PKHD1: variants seen among roughly 807,000 people sequenced by gnomAD.
The protein encoded by PKHD1 is PKHD1 ciliary IPT domain containing fibrocystin/polyductin.
PKHD1 carries 291 observed loss-of-function variants against 412.0 expected under a neutral mutation model. The ratio of observed to expected loss-of-function variants is 0.71; its 90% CI spans 0.64 to 0.78. PKHD1 has a LOEUF of 0.78. Ranked by LOEUF, PKHD1 falls within the 30% of genes least tolerant of loss-of-function variation. PKHD1 has a pLI of 0.00. For missense variants in PKHD1, 4,825 were observed against 4,950.7 expected, an observed-to-expected ratio of 0.97 and a Z score of 0.76; for synonymous variants, 1,777 against 1,821.5, an observed-to-expected ratio of 0.98 and a Z score of 0.62.
chr6:51,926,837 T>G (rs967537741), intron 37 of PKHD1, among the ~76,000 whole-genome samples: 4 of 152,142 alleles, frequency 2.6e-5, no homozygotes, highest in African/African-American at 9.7e-5. Context: ...AAAAACCTTA[T>G]TTTTTGTTGG....
At chr6:51,806,164 G>A (rs1237817352) in intron 52 of PKHD1, among the ~76,000 whole-genome samples, 2 of 151,920 alleles carry the variant, frequency 1.3e-5, no homozygotes, top group Non-Finnish European at 2.9e-5. Flanking sequence ...CATGGCACAT[G>A]TATACATATG....
intron 35 of PKHD1, among the ~76,000 whole-genome samples, chr6:51,966,051 T>A (rs182699045): frequency 2.6e-4 from 40 of 152,254 alleles, no homozygotes; most frequent in Non-Finnish European, 4.9e-4. Flanking sequence ...ATGCTATACA[T>A]TTTACTTACA....
Position 51,638,813 on chromosome 6 carries a change from A to C in PKHD1, c.11506+36T>G, listed in dbSNP as rs1768938086. On this transcript the variant is annotated intron_variant, in intron 64 of 66. Coordinates refer to ENST00000371117, the MANE Select transcript of PKHD1 (RefSeq NM_138694.4). ...GATTATCTTCTCAAAAAAAAAAAAA[A>C]AAAACACAGAATAAAAGCACACTGT... The C allele has an allele frequency of 8.3e-6, 11 of 1,318,926 alleles. No individual in the cohort carries two copies. In the South Asian group the frequency reaches 1.0e-4, roughly 12 times the overall value. The allele number at this position is 1,318,926 out of a possible 1,614,324, so 81.7% of individuals were successfully genotyped here.
At chr6:52,032,698 G>C (rs1011607651) in intron 29 of PKHD1, among the ~76,000 whole-genome samples, 7 of 152,068 alleles carry the variant, frequency 4.6e-5, no homozygotes, top group African/African-American at 1.7e-4. Context: ...TAAATTAGGG[G>C]CAAGGATTAA....
intron 35 of PKHD1, among the ~76,000 whole-genome samples, chr6:51,977,481 C>A (rs1307495760): frequency 6.6e-6 from 1 of 152,178 alleles, no homozygotes; most frequent in Non-Finnish European, 1.5e-5. Flanking sequence ...TTCTACCAGA[C>A]AAACTCATTC....
chr6:51,691,740 T>C (rs1450888248), intron 60 of PKHD1, among the ~76,000 whole-genome samples: 1 of 152,090 alleles, frequency 6.6e-6, no homozygotes, highest in Non-Finnish European at 1.5e-5. Flanking sequence ...AAATAATCTG[T>C]ACAACAAACC....
intron 33 of PKHD1, 147 bp from the exon 34 acceptor site, chr6:52,017,776 T>C: frequency 1.5e-6 from 1 of 662,266 alleles, no homozygotes; most frequent in Non-Finnish European, 2.7e-6. Flanking sequence ...ATTGTATATG[T>C]GTAATGTACA....
chr6:51,847,794 C>T lies in PKHD1; in HGVS notation c.8088G>A (p.Leu2696=). 1 of 1,613,534 alleles carries T rather than the reference C, an allele frequency of 6.2e-7. No individual in the cohort carries two copies. The part of the protein sequence containing the change: ...QGCDWFFNSQ[L]RQLTYLVSGE... ...ACTTACCCAGATAGGTGAGTTGCCT[C>T]AGCTGGCTATTGAAGAACCAGTCAC... Residue 2696 remains leucine (L), a synonymous_variant, in exon 50 of 67, where the codon CTG becomes CTA. Coordinates refer to ENST00000371117, the MANE Select transcript of PKHD1 (RefSeq NM_138694.4).
At chr6:52,072,019 G>T in intron 8 of PKHD1, 96 bp downstream of exon 8, 1 of 794,484 alleles carries the variant, frequency 1.3e-6, no homozygotes, top group South Asian at 1.4e-5. Context: ...ACAGATATAT[G>T]GTGAGTGGGG....
intron 60 of PKHD1, among the ~76,000 whole-genome samples, chr6:51,711,756 G>A (rs1394475794): frequency 6.6e-6 from 1 of 152,130 alleles, no homozygotes; most frequent in Non-Finnish European, 1.5e-5. Context: ...TGCTGGCTTT[G>A]GAGGGAGTTC....
At chr6:51,750,233 C>T (rs1055288769) in intron 57 of PKHD1, among the ~76,000 whole-genome samples, 11 of 152,018 alleles carry the variant, frequency 7.2e-5, no homozygotes, top group African/African-American at 1.9e-4. Context: ...AGGAGGCATT[C>T]GTAGATGGTG....
intron 60 of PKHD1, among the ~76,000 whole-genome samples, chr6:51,693,510 T>G (rs540146583): frequency 6.6e-6 from 1 of 152,202 alleles, no homozygotes; most frequent in Non-Finnish European, 1.5e-5. Flanking sequence ...ATCATTACAA[T>G]AAACCTAAAT....
At chr6:51,798,150 A>G (rs1214359283) in intron 52 of PKHD1, among the ~76,000 whole-genome samples, 1 of 152,152 alleles carries the variant, frequency 6.6e-6, no homozygotes, top group Non-Finnish European at 1.5e-5. Flanking sequence ...AGGCTGAGGC[A>G]AGTGGATCAC....
intron 52 of PKHD1, among the ~76,000 whole-genome samples, chr6:51,816,854 C>T (rs1346024505): frequency 6.6e-6 from 1 of 152,198 alleles, no homozygotes; most frequent in East Asian, 1.9e-4. Context: ...GCAAACGGTT[C>T]TTTGCTCAAT....
chr6:51,900,686 T>G (rs1348785387), intron 43 of PKHD1, among the ~76,000 whole-genome samples: 3 of 150,498 alleles, frequency 2.0e-5, no homozygotes, highest in African/African-American at 7.3e-5. Flanking sequence ...CTAATTAAAC[T>G]AAAGAGCTTC....
chr6:51,867,870 T>G lies in PKHD1; in HGVS notation c.7726A>C (p.Ile2576Leu). 6.2e-7 allele frequency: 1 copy of G among 1,613,140 alleles called. No individual in the cohort carries two copies. Among genetic ancestry groups the G allele is most frequent in the Non-Finnish European group, 8.5e-7 (1 of 1,179,320 alleles). The change falls in exon 48 of 67, where the codon ATT (isoleucine) becomes CTT (leucine). Residue 2576 changes from isoleucine (I) to leucine (L), a missense_variant. Physicochemically the swap from Ile to Leu is conservative, Grantham distance 5 (BLOSUM62 2). Transcript: ENST00000371117. ...ATAGTTAATTCCACTTACAAACCAA[T>G]AGACATACGATGAAAAAGAACACCT... Reference protein sequence around the residue: ...GGGVLFHRMSIGLANTPEVSY... With the variant: ...GGGVLFHRMSLGLANTPEVSY...
Position 51,981,849 on chromosome 6 carries a change from C to T in PKHD1, c.5752-21823G>A. Among the ~76,000 whole-genome samples the T allele has an allele frequency of 1.7e-5, 2 of 114,954 alleles. 1 individual carries two copies. The highest frequency in any genetic ancestry group is 4.3e-5 in the Non-Finnish European group (2 of 46,044). 75.4% of individuals were successfully genotyped at this position (114,954 alleles called of 152,430 possible). On this transcript the variant is annotated intron_variant, in intron 35 of 66. Transcript: ENST00000371117. ...GAAAGTGAGGAGCGTCTCTGCCCGGCTGCCATCCCATCTAGGAAGCGAGGA... is the reference window on the plus strand; with the variant it reads ...GAAAGTGAGGAGCGTCTCTGCCCGGTTGCCATCCCATCTAGGAAGCGAGGA...
chr6:51,725,881 C>A (rs1400667150), intron 60 of PKHD1, among the ~76,000 whole-genome samples: 3 of 152,136 alleles, frequency 2.0e-5, no homozygotes, highest in Non-Finnish European at 4.4e-5. Context: ...TAATTCATTG[C>A]CCTTCTAGTC....
chr6:51,792,017 C>A (rs151048204), intron 52 of PKHD1, among the ~76,000 whole-genome samples: 2 of 152,308 alleles, frequency 1.3e-5, no homozygotes, highest in African/African-American at 4.8e-5. Flanking sequence ...GCTTAATAAA[C>A]GCTTGATGTT....
Sources: allele counts gnomAD v4.1 joint callset (sites outside exome capture counted in the v4.1 genomes callset), GRCh38; gene constraint gnomAD v4.1.1; transcripts MANE v1.5; gene names NCBI Gene and HGNC (gene_info 2026-07-23, HGNC 2026-07-21).